The following BSPRY variants were observed in gnomAD, a reference collection of about 807,000 sequenced individuals.
BSPRY encodes B box and SPRY domain-containing protein.
Under a neutral mutation model 38.0 loss-of-function variants are expected in BSPRY, and 33 were observed. That is an observed-to-expected ratio of 0.87 (90% CI 0.66 to 1.16). The LOEUF is 1.16. BSPRY is among the 50% of genes most tolerant of loss of function. The pLI, the probability that BSPRY is intolerant of heterozygous loss-of-function variation, is 0.00. For synonymous variants in BSPRY, 224 were observed against 228.5 expected, an observed-to-expected ratio of 0.98 and a Z score of 0.18; for missense variants, 523 against 533.2, an observed-to-expected ratio of 0.98 and a Z score of 0.19.
In BSPRY at chr9:113,364,735, T is replaced by C. The variant is rs527809255; in HGVS notation, c.557+2341T>C. On this transcript the variant is annotated intron_variant, in intron 4 of 5. Transcript: ENST00000374183. ...AATTCCAGAAAACATGAATTTTTCTTTCAAGATACTTCAGCATGTTTCTCC... is the reference window on the plus strand; with the variant it reads ...AATTCCAGAAAACATGAATTTTTCTCTCAAGATACTTCAGCATGTTTCTCC... Among the ~76,000 whole-genome samples, 35 of 152,254 alleles carry C rather than the reference T, an allele frequency of 2.3e-4. No homozygotes were observed. In the South Asian group the frequency reaches 5.6e-3, roughly 24 times the overall value.
rs78202209 is a variant in BSPRY, at chr9:113,357,170, G to A, written c.300+2832G>A. Among the ~76,000 whole-genome samples, 1,094 of 152,228 alleles carry A rather than the reference G, an allele frequency of 7.2e-3. 93 individuals carry two copies. The East Asian group carries it at 0.19, about 26-fold the overall frequency. On this transcript the variant is annotated intron_variant, in intron 2 of 5. Transcript: ENST00000374183. ...GGACCAAGAAATCAGCTAATGAAAC[G>A]GAAGTAAACTAAGAGAGCAGAGTGT... is the stretch of plus-strand genomic sequence containing the variant.
In BSPRY at chr9:113,360,546, T is replaced by C. The variant is rs1489691744; in HGVS notation, c.340T>C (p.Leu114=). The C allele has an allele frequency of 7.5e-6, 12 of 1,606,154 alleles. No homozygotes were observed. In the Admixed American group the frequency reaches 1.9e-4, roughly 25 times the overall value. ...AGCGAGGGAACTGGTTATCCAGCGG[T>C]TGAGTCTGGTGAGGAGTCTTTGCGA... ...SAARELVIQR[L]SLVRSLCESE... is the part of the protein sequence containing the mutation. Residue 114 remains leucine, a synonymous_variant, in exon 3 of 6, where the codon TTG becomes CTG. Transcript: ENST00000374183.
At chr9:113,365,129 C>T (rs79601360) in intron 4 of BSPRY, among the ~76,000 whole-genome samples, 3,967 of 152,088 alleles carry the variant, frequency 0.026, 105 homozygotes, top group African/African-American at 0.067. Context: ...TCCCTTTGTC[C>T]GTTATCAAGG....
Position 113,368,351 on chromosome 9 carries a change from T to G in BSPRY, c.650T>G (p.Leu217Arg). Residue 217 changes from leucine to arginine, a missense_variant, in exon 5 of 6, where the codon CTC becomes CGC. Physicochemically the swap from Leu to Arg is moderately radical, Grantham distance 102. Transcript: ENST00000374183. ...KCTRSPLLTQ[L>R]WATAVLGSLS... ...ACTCGGAGCCCACTACTGACCCAAC[T>G]CTGGGCAACGGCGGTTCTTGGGTCT... 1 of 1,614,144 alleles carries G rather than the reference T, an allele frequency of 6.2e-7. No individual in the cohort carries two copies. Among genetic ancestry groups the G allele is most frequent in the Non-Finnish European group, 8.5e-7 (1 of 1,180,030 alleles).
intron 1 of BSPRY, among the ~76,000 whole-genome samples, chr9:113,352,480 G>GACACACAC (rs139828518): frequency 0.11 from 15,791 of 149,822 alleles, 1,016 homozygotes; most frequent in South Asian, 0.17. Flanking sequence ...TGGGGAGTGA[G>GACACACAC]ACACACACAC....
Position 113,349,602 on chromosome 9 carries a change from C to A in BSPRY, c.23C>A (p.Pro8Gln). Reference protein sequence around the residue: MSAEGAEPGPGSGSGPGP... With the variant: MSAEGAEQGPGSGSGPGP... ...GCCATGTCCGCCGAGGGCGCGGAGC[C>A]GGGGCCGGGGTCCGGGTCCGGGCCC... Residue 8 changes from proline (P) to glutamine (Q), a missense_variant, in exon 1 of 6, where the codon CCG (proline) becomes CAG (glutamine). Pro to Gln is a moderately conservative substitution (Grantham distance 76, BLOSUM62 -1). Coordinates refer to ENST00000374183, the MANE Select transcript of BSPRY (RefSeq NM_017688.3). The A allele has an allele frequency of 8.4e-7, 1 of 1,185,698 alleles. No individual in the cohort carries two copies. Among genetic ancestry groups the A allele is most frequent in the Non-Finnish European group, 1.0e-6 (1 of 958,830 alleles). The allele number at this position is 1,185,698 out of a possible 1,614,324, so 73.4% of individuals were successfully genotyped here.
At chr9:113,366,031 T>C (rs1564344235) in intron 4 of BSPRY, among the ~76,000 whole-genome samples, 1 of 151,978 alleles carries the variant, frequency 6.6e-6, no homozygotes, top group East Asian at 1.9e-4. Context: ...TCTCGAACTC[T>C]TGACCTCAAG....
intron 2 of BSPRY, among the ~76,000 whole-genome samples, 185 bp from the exon 3 acceptor site, chr9:113,360,322 T>C (rs28556819): frequency 0.02 from 3,005 of 152,268 alleles, 90 homozygotes; most frequent in African/African-American, 0.068. Flanking sequence ...CCCTAAACCA[T>C]ATTTGGGAAG....
At position 113,364,186 on chromosome 9, in the gene BSPRY, C is replaced by CA. The variant is rs1049090436; in HGVS notation, c.557+1800dup. On this transcript the variant is annotated intron_variant, in intron 4 of 5. Coordinates refer to ENST00000374183, the MANE Select transcript of BSPRY (RefSeq NM_017688.3). ...GGGTGATGGGAGTGAAACCCTGTCT[C>CA]AAAAAAAACAAAAAAATCAAAACAC... Among the ~76,000 whole-genome samples, 8 of 151,152 alleles carry CA rather than the reference C, an allele frequency of 5.3e-5. No homozygotes were observed. The South Asian group carries it at 8.4e-4, about 16-fold the overall frequency.
At chr9:113,354,586 G>C (rs1028708415) in intron 2 of BSPRY, among the ~76,000 whole-genome samples, 1 of 152,112 alleles carries the variant, frequency 6.6e-6, no homozygotes, top group African/African-American at 2.4e-5. Context: ...GATCAAGAAG[G>C]GTCGTATTCT....
At chr9:113,361,704 T>C (rs1053914158) in intron 3 of BSPRY, among the ~76,000 whole-genome samples, 2 of 152,182 alleles carry the variant, frequency 1.3e-5, no homozygotes, top group Non-Finnish European at 2.9e-5. Flanking sequence ...AACACTGTGC[T>C]CCGGGGAGCT....
intron 1 of BSPRY, among the ~76,000 whole-genome samples, chr9:113,351,994 A>G (rs936835032): frequency 2.6e-5 from 4 of 151,864 alleles, no homozygotes; most frequent in African/African-American, 9.7e-5. Flanking sequence ...ATTTTTTGGT[A>G]GAGATGGGGT....
At chr9:113,361,700 G>T (rs1275729780) in intron 3 of BSPRY, among the ~76,000 whole-genome samples, 1 of 152,196 alleles carries the variant, frequency 6.6e-6, no homozygotes, top group Non-Finnish European at 1.5e-5. Flanking sequence ...AGAGAACACT[G>T]TGCTCCGGGG....
At chr9:113,365,574 C>G (rs1048122871) in intron 4 of BSPRY, among the ~76,000 whole-genome samples, 2 of 152,092 alleles carry the variant, frequency 1.3e-5, no homozygotes, top group African/African-American at 4.8e-5. Flanking sequence ...TTTTCCTGCC[C>G]CTGAATCAGC....
At chr9:113,351,264 G>A (rs1833967585) in intron 1 of BSPRY, among the ~76,000 whole-genome samples, 1 of 152,106 alleles carries the variant, frequency 6.6e-6, no homozygotes, top group Admixed American at 6.6e-5. Flanking sequence ...TCCTTTGCCT[G>A]AAGGGAGGTG....
At chr9:113,368,222 C>T in intron 4 of BSPRY, 37 bp from the exon 5 acceptor site, 1 of 1,604,888 alleles carries the variant, frequency 6.2e-7, no homozygotes, top group Non-Finnish European at 8.5e-7. Context: ...TTTCCAGAAC[C>T]ATCCTGAATC....
chr9:113,362,427 T>C (rs1036012019), intron 4 of BSPRY, 33 bp downstream of exon 4: 1 of 1,609,062 alleles, frequency 6.2e-7, no homozygotes, highest in Non-Finnish European at 8.5e-7. Context: ...GACTGGGTAG[T>C]CTTGGAGACC....
chr9:113,349,644 G>A lies in BSPRY; in HGVS notation c.65G>A (p.Cys22Tyr), dbSNP rs1427186904. Reference sequence around the variant, plus strand: ...TCCGGGCCCGGGCCGGGGCCACTCTGCCCCGAACACGGCCAGGCTCTGAGC... The same window carrying A: ...TCCGGGCCCGGGCCGGGGCCACTCTACCCCGAACACGGCCAGGCTCTGAGC... ...SGSGPGPGPL[C>Y]PEHGQALSWF... Residue 22 changes from cysteine to tyrosine, a missense_variant, in exon 1 of 6, where the codon TGC (cysteine) becomes TAC (tyrosine). Transcript: ENST00000374183. The A allele has an allele frequency of 4.9e-6, 6 of 1,226,644 alleles. No homozygotes were observed. The South Asian group carries it at 1.3e-4, about 28-fold the overall frequency. The allele number at this position is 1,226,644 out of a possible 1,614,324, so 76.0% of individuals were successfully genotyped here.
intron 4 of BSPRY, among the ~76,000 whole-genome samples, chr9:113,364,538 A>G (rs542250040): frequency 2.6e-4 from 40 of 152,266 alleles, no homozygotes; most frequent in African/African-American, 9.1e-4. Flanking sequence ...CATTTATTCA[A>G]ATGATTTCAA....
Sources: allele counts gnomAD v4.1 joint callset (sites outside exome capture counted in the v4.1 genomes callset), GRCh38; gene constraint gnomAD v4.1.1; transcripts MANE v1.5; gene names NCBI Gene and HGNC (gene_info 2026-07-23, HGNC 2026-07-21).